Variants in SULF1 observed in about 807,000 individuals in gnomAD.
The protein encoded by SULF1 is sulfatase 1, also known as extracellular sulfatase Sulf-1.
A neutral mutation model predicts 110.5 loss-of-function variants in SULF1; 46 were observed. The ratio of observed to expected loss-of-function variants is 0.42; its 90% CI spans 0.33 to 0.53. The LOEUF is 0.53. Among genes scored for constraint, SULF1 ranks in the 20% least tolerant of loss-of-function variants. The pLI is 0.12. For synonymous variants in SULF1, 371 were observed against 387.1 expected, an observed-to-expected ratio of 0.96 and a Z score of 0.49; for missense variants, 941 against 1,094.2, an observed-to-expected ratio of 0.86 and a Z score of 1.98.
intron 3 of SULF1, among the ~76,000 whole-genome samples, chr8:69,560,985 A>G (rs1289076784): frequency 1.3e-5 from 2 of 152,218 alleles, no homozygotes; most frequent in African/African-American, 2.4e-5. Flanking sequence ...TGGTGGTGGG[A>G]AGAAGCTGAC....
rs72660109 is a variant in SULF1 at position 69,659,034 on chromosome 8, G to A, written c.*499G>A. On this transcript the variant is annotated 3_prime_UTR_variant, in exon 23 of 23. Transcript: ENST00000402687. The stretch of plus-strand genomic sequence containing the variant: ...AAACCGATTTCAGTGGCGATGGCAT[G>A]ACAGAGCTAGAGCTCGGGCCCAGCC... 6.6e-6 allele frequency: 3 copies of A among 457,184 alleles called. No individual in the cohort carries two copies. Among genetic ancestry groups the A allele is most frequent in the African/African-American group, 2.0e-5 (1 of 50,222 alleles). The allele number at this position is 457,184 out of a possible 1,614,324, so 28.3% of individuals were successfully genotyped here.
intron 8 of SULF1, among the ~76,000 whole-genome samples, chr8:69,598,147 A>G (rs1807493781): frequency 6.6e-6 from 1 of 151,878 alleles, no homozygotes; most frequent in Non-Finnish European, 1.5e-5. Flanking sequence ...TGGTTAACGA[A>G]CCATTTTCTT....
intron 13 of SULF1, 41 bp from the exon 14 acceptor site, chr8:69,620,994 G>A (rs1380776788): frequency 6.6e-7 from 1 of 1,522,982 alleles, no homozygotes; most frequent in Non-Finnish European, 8.9e-7. Flanking sequence ...AATAACACCT[G>A]GAGCAGAATC....
At chr8:69,566,228 CA>C (rs1300677387) in intron 5 of SULF1, among the ~76,000 whole-genome samples, 2 of 152,112 alleles carry the variant, frequency 1.3e-5, no homozygotes, top group Admixed American at 6.5e-5. Context: ...GAAATGGACC[CA>C]TAAGGCTCTA....
At chr8:69,546,185 TTTGCATC>T in intron 3 of SULF1, among the ~76,000 whole-genome samples, 1 of 151,444 alleles carries the variant, frequency 6.6e-6, no homozygotes, top group Admixed American at 6.6e-5. Flanking sequence ...CAATTAGCAA[TTTGCATC>T]ACATCATTTA....
At chr8:69,633,328 C>CTTT (rs200590898) in intron 19 of SULF1, among the ~76,000 whole-genome samples, 3 of 134,114 alleles carry the variant, frequency 2.2e-5, no homozygotes, top group Admixed American at 7.6e-5. Flanking sequence ...TCAGGACATT[C>CTTT]TTTTTTTTTT....
In SULF1 at chr8:69,628,217, A is replaced by G. The variant is rs1158884644; in HGVS notation, c.2089A>G (p.Ser697Gly). Residue 697 changes from serine (S) to glycine (G), a missense_variant, in exon 18 of 23, where the codon AGC (serine) becomes GGC (glycine). Coordinates refer to ENST00000402687, the MANE Select transcript of SULF1 (RefSeq NM_001128205.2). ...TGTAAAAAAGCAAGAGAAATTAAAG[A>G]GCCATCTTCACCCATTCAAGTAAGT... ...KGVKKQEKLK[S>G]HLHPFKEAAQ... is the part of the protein sequence containing the mutation. 5 of 1,614,006 alleles carry G rather than the reference A, an allele frequency of 3.1e-6. No individual in the cohort carries two copies. Among genetic ancestry groups the G allele is most frequent in the Non-Finnish European group, 4.2e-6 (5 of 1,179,836 alleles).
chr8:69,480,787 A>G (rs1281631142), intron 1 of SULF1, among the ~76,000 whole-genome samples: 1 of 151,690 alleles, frequency 6.6e-6, no homozygotes, highest in Non-Finnish European at 1.5e-5. Context: ...ACTTTTTAAA[A>G]AAGTTTTGTT....
At chr8:69,499,009 C>T (rs927761356) in intron 2 of SULF1, among the ~76,000 whole-genome samples, 5 of 152,184 alleles carry the variant, frequency 3.3e-5, no homozygotes, top group African/African-American at 1.2e-4. Flanking sequence ...CAGGCATGTG[C>T]AACCATGCCC....
At chr8:69,475,399 C>T (rs1275168261) in intron 1 of SULF1, among the ~76,000 whole-genome samples, 1 of 144,114 alleles carries the variant, frequency 6.9e-6, no homozygotes, top group Admixed American at 6.9e-5. Context: ...AATTGATCCC[C>T]AGAGTTCAAA....
chr8:69,579,545 T>TCA (rs745559296), intron 6 of SULF1, among the ~76,000 whole-genome samples: 1,418 of 131,766 alleles, frequency 0.011, 12 homozygotes, highest in African/African-American at 0.019. Context: ...CAAGACTCTG[T>TCA]CACACACACA....
intron 3 of SULF1, among the ~76,000 whole-genome samples, chr8:69,555,971 C>T (rs773744372): frequency 3.9e-5 from 6 of 152,020 alleles, no homozygotes; most frequent in South Asian, 2.1e-4. Context: ...CAGACTAAAA[C>T]GAAACATGTA....
chr8:69,582,610 T>C (rs1282916768), intron 6 of SULF1, among the ~76,000 whole-genome samples: 3 of 150,368 alleles, frequency 2.0e-5, no homozygotes, highest in African/African-American at 4.9e-5. Context: ...CCCTAGCAAG[T>C]AGCAGAGCCA....
At chr8:69,499,475 C>A (rs113370485) in intron 2 of SULF1, among the ~76,000 whole-genome samples, 3 of 152,256 alleles carry the variant, frequency 2.0e-5, no homozygotes, top group African/African-American at 7.2e-5. Context: ...AAGAATTACA[C>A]CTGTTTATAA....
intron 15 of SULF1, 122 bp from the exon 16 acceptor site, chr8:69,627,088 C>A: frequency 1.4e-6 from 1 of 715,594 alleles, no homozygotes; most frequent in Non-Finnish European, 2.4e-6. Context: ...TGGATCAGCT[C>A]AACGGTTACT....
intron 3 of SULF1, among the ~76,000 whole-genome samples, chr8:69,543,235 A>ACG (rs2150673335): frequency 6.6e-6 from 1 of 152,138 alleles, no homozygotes; most frequent in Non-Finnish European, 1.5e-5. Context: ...TTTCTTTTAA[A>ACG]TTCCAGGGTA....
Position 69,658,970 on chromosome 8 carries a change from C to A in SULF1, c.*435C>A, listed in dbSNP as rs1274959201. ...TTGAATTCTGAACACTGGAGAAAAA[C>A]CGAAAAATGGACGGGGCATGAAGAG... On this transcript the variant is annotated 3_prime_UTR_variant, in exon 23 of 23. Transcript: ENST00000402687. 1.1e-5 allele frequency: 5 copies of A among 458,170 alleles called. No individual in the cohort carries two copies. In the Admixed American group the frequency reaches 1.2e-4, roughly 11 times the overall value. The allele number at this position is 458,170 out of a possible 1,614,324, so 28.4% of individuals were successfully genotyped here. A position where few individuals can be genotyped will look rare whatever the true frequency, so the allele number is the denominator to read the frequency against.
chr8:69,586,358 CT>C lies in SULF1; in HGVS notation c.420del (p.Phe140LeufsTer23), dbSNP rs1563556719. 3 of 1,553,518 alleles carry C rather than the reference CT, an allele frequency of 1.9e-6. No individual in the cohort carries two copies. Among genetic ancestry groups the C allele is most frequent in the Non-Finnish European group, 8.7e-7 (1 of 1,154,504 alleles). On this transcript the variant is annotated frameshift_variant and splice_region_variant, in exon 7 of 23. Coordinates refer to ENST00000402687, the MANE Select transcript of SULF1 (RefSeq NM_001128205.2). LOFTEE classifies it high-confidence loss of function. ...AATAATTCTTTTTTCCCACTGCAGC[CT>C]TTTTTGGAAAATACCTCAATGAATA... Reference protein sequence around the residue: ...YLNNTGYRTAFFGKYLNEYNG... With the variant: ...YLNNTGYRTAXFGKYLNEYNG...
At chr8:69,627,668 G>A in intron 16 of SULF1, 104 bp from the exon 17 acceptor site, 1 of 772,972 alleles carries the variant, frequency 1.3e-6, no homozygotes, top group Non-Finnish European at 2.2e-6. Flanking sequence ...CATCTCAGAT[G>A]AATAGCTGTT....
Sources: gnomAD v4.1 joint callset for allele counts (sites outside exome capture counted in the v4.1 genomes callset) on GRCh38, gnomAD v4.1.1 for gene constraint, MANE v1.5 for transcripts, NCBI Gene and HGNC (gene_info 2026-07-23, HGNC 2026-07-21) for gene names.